DNAH6: variants seen among roughly 807,000 people sequenced by gnomAD.
DNAH6 encodes the protein dynein axonemal heavy chain 6.
Under a neutral mutation model 491.4 loss-of-function variants are expected in DNAH6, and 340 were observed. The ratio of observed to expected loss-of-function variants is 0.69; its 90% CI spans 0.63 to 0.76. The LOEUF (loss-of-function observed/expected upper bound fraction) is 0.76. DNAH6 is among the 30% of genes least tolerant of loss of function. DNAH6 has a pLI of 0.00. For missense variants in DNAH6, 4,443 were observed against 4,972.2 expected (o/e 0.89, Z 3.20); for synonymous variants, 1,603 against 1,686.1 (o/e 0.95, Z 1.21).
chr2:84,599,189 A>G (rs990705822), intron 18 of DNAH6, among the ~76,000 whole-genome samples: 1 of 152,000 alleles, frequency 6.6e-6, no homozygotes, highest in Non-Finnish European at 1.5e-5. Context: ...CTTGGTTATA[A>G]TTGAGTTTTA....
chr2:84,678,943 C>G (rs543795200), intron 41 of DNAH6, among the ~76,000 whole-genome samples: 15 of 152,306 alleles, frequency 9.8e-5, no homozygotes, highest in Middle Eastern at 3.4e-3. Context: ...AGAACTTGCT[C>G]TAGGCCCATG....
At position 84,528,095 on chromosome 2, in the gene DNAH6, G is replaced by T. The variant is rs370278547; in HGVS notation, c.400-809G>T. Among the ~76,000 whole-genome samples the T allele has an allele frequency of 2.4e-4, 36 of 152,222 alleles. 3 individuals carry two copies. Among genetic ancestry groups the T allele is most frequent in the East Asian group, 1.7e-3 (9 of 5,168 alleles). The stretch of plus-strand genomic sequence containing the variant: ...TGATGCCACCCAAGTTTTTTGGGGG[G>T]TGTGAGTGGCACTGAGAGCACAGAC... On this transcript the variant is annotated intron_variant, in intron 3 of 76. Transcript: ENST00000389394.
At chr2:84,531,831 A>G (rs1358742898) in intron 4 of DNAH6, among the ~76,000 whole-genome samples, 1 of 151,786 alleles carries the variant, frequency 6.6e-6, no homozygotes, top group African/African-American at 2.4e-5. Context: ...AAGCCCTTCA[A>G]TTAAAAAAAA....
At chr2:84,611,194 A>G (rs771641090) in intron 21 of DNAH6, among the ~76,000 whole-genome samples, 1 of 115,720 alleles carries the variant, frequency 8.6e-6, no homozygotes, top group Non-Finnish European at 1.7e-5. Flanking sequence ...CCAGTCTTCT[A>G]TATTTACTAC....
chr2:84,483,356 T>C, the DNAH6 span, among the ~76,000 whole-genome samples: 2 of 152,172 alleles, frequency 1.3e-5, no homozygotes, highest in African/African-American at 4.8e-5. Flanking sequence ...GCTCTCAGGA[T>C]TTTATACTCA....
At chr2:84,466,933 T>C in the DNAH6 span, among the ~76,000 whole-genome samples, 1 of 152,248 alleles carries the variant, frequency 6.6e-6, no homozygotes, top group African/African-American at 2.4e-5. Context: ...ATCAAAATTA[T>C]AGGAGTTTCC....
chr2:84,524,423 A>G (rs1676427405), intron 2 of DNAH6, among the ~76,000 whole-genome samples: 1 of 151,658 alleles, frequency 6.6e-6, no homozygotes, highest in African/African-American at 2.4e-5. Context: ...CAGGTTATTT[A>G]GCCCATTTAC....
chr2:84,662,599 G>A (rs1372369864), intron 37 of DNAH6, among the ~76,000 whole-genome samples: 3 of 152,210 alleles, frequency 2.0e-5, no homozygotes, highest in Non-Finnish European at 4.4e-5. Flanking sequence ...AAACAAAGTG[G>A]CCAGAAAGCT....
intron 35 of DNAH6, among the ~76,000 whole-genome samples, chr2:84,656,335 G>A (rs1204811252): frequency 6.6e-6 from 1 of 152,060 alleles, no homozygotes; most frequent in African/African-American, 2.4e-5. Flanking sequence ...GAATTATTTA[G>A]TATATGTTTA....
the DNAH6 span, among the ~76,000 whole-genome samples, chr2:84,469,654 C>T: frequency 6.6e-6 from 1 of 152,286 alleles, no homozygotes; most frequent in Admixed American, 6.5e-5. This position sits in a 1 kb window ranked among gnomAD's most constrained non-coding sequence, Gnocchi z 4.0. Flanking sequence ...CAGTTGGCCG[C>T]TTGTCGGTAA....
chr2:84,794,662 A>C (rs1336294936), intron 68 of DNAH6, among the ~76,000 whole-genome samples: 2 of 147,130 alleles, frequency 1.4e-5, no homozygotes, highest in African/African-American at 5.0e-5. Flanking sequence ...GGCAATCATT[A>C]AAAAGTCAGG....
chr2:84,599,899 G>A (rs1049066253), intron 18 of DNAH6, among the ~76,000 whole-genome samples: 1 of 152,014 alleles, frequency 6.6e-6, no homozygotes, highest in Admixed American at 6.6e-5. Flanking sequence ...CTATAAAACT[G>A]TCTTATGGTC....
At chr2:84,510,277 TTTA>T in the DNAH6 span, among the ~76,000 whole-genome samples, 1 of 152,330 alleles carries the variant, frequency 6.6e-6, no homozygotes, top group Non-Finnish European at 1.5e-5. Flanking sequence ...TTCGTTTCTT[TTTA>T]TTCTTTTTTC....
At chr2:84,560,757 A>G (rs963150151) in intron 11 of DNAH6, among the ~76,000 whole-genome samples, 1 of 151,996 alleles carries the variant, frequency 6.6e-6, no homozygotes, top group Non-Finnish European at 1.5e-5. Flanking sequence ...ATGATTTCCA[A>G]TTTCATCCAT....
intron 11 of DNAH6, among the ~76,000 whole-genome samples, chr2:84,558,350 G>A (rs145430772): frequency 1.4e-4 from 21 of 151,758 alleles, no homozygotes; most frequent in African/African-American, 2.7e-4. Flanking sequence ...GTGTGAACCC[G>A]GGAGGCAAAC....
chr2:84,728,579 G>A (rs1252282108), intron 61 of DNAH6, among the ~76,000 whole-genome samples: 1 of 152,224 alleles, frequency 6.6e-6, no homozygotes, highest in African/African-American at 2.4e-5. Context: ...TCTTACAAAT[G>A]TAAAGAGTTA....
At chr2:84,562,870 G>A (rs1264894804) in intron 11 of DNAH6, among the ~76,000 whole-genome samples, 1 of 152,100 alleles carries the variant, frequency 6.6e-6, no homozygotes. Flanking sequence ...TTTCCTTTGG[G>A]TATTGATATG....
intron 64 of DNAH6, among the ~76,000 whole-genome samples, chr2:84,764,253 TAC>T (rs1036836740): frequency 6.6e-6 from 1 of 152,148 alleles, no homozygotes. Flanking sequence ...AAAGTATTAC[TAC>T]AGACTTATTA....
At chr2:84,695,760 G>C (rs1406208797) in intron 46 of DNAH6, among the ~76,000 whole-genome samples, 1 of 151,980 alleles carries the variant, frequency 6.6e-6, no homozygotes, top group African/African-American at 2.4e-5. Flanking sequence ...CTTATCTGTA[G>C]TTTCTGATTA....
Sources: gnomAD v4.1 joint callset for allele counts (sites outside exome capture counted in the v4.1 genomes callset) on GRCh38, gnomAD v4.1.1 for gene constraint, Gnocchi (gnomAD v3.1) non-coding constraint, MANE v1.5 for transcripts, NCBI Gene and HGNC (gene_info 2026-07-23, HGNC 2026-07-21) for gene names.